Variants in CTNNA3 observed in about 807,000 individuals in gnomAD.
CTNNA3 encodes the protein catenin alpha 3, also known as catenin alpha-3.
A neutral mutation model predicts 95.7 loss-of-function variants in CTNNA3; 76 were observed. The ratio of observed to expected loss-of-function variants is 0.79; its 90% CI spans 0.66 to 0.96. CTNNA3 has a LOEUF of 0.96. Among genes scored for constraint, CTNNA3 ranks in the 40% least tolerant of loss-of-function variants. The pLI is 0.00. For synonymous variants in CTNNA3, 431 were observed against 374.4 expected (o/e 1.15, Z -1.74); for missense variants, 1,191 against 1,089.8 (o/e 1.09, Z -1.31).
intron 5 of CTNNA3, among the ~76,000 whole-genome samples, chr10:67,233,883 C>A (rs1564499528): frequency 6.6e-6 from 1 of 152,200 alleles, no homozygotes; most frequent in Non-Finnish European, 1.5e-5. Flanking sequence ...ACTACAAACA[C>A]CTCTACGCTA....
At chr10:67,717,557 C>T (rs1368689778) in intron 1 of CTNNA3, among the ~76,000 whole-genome samples, 1 of 152,054 alleles carries the variant, frequency 6.6e-6, no homozygotes. Context: ...TTTCCCAACA[C>T]CATTTATTAA....
intron 1 of CTNNA3, among the ~76,000 whole-genome samples, chr10:67,693,186 GC>G (rs1200196096): frequency 6.6e-6 from 1 of 152,198 alleles, no homozygotes; most frequent in East Asian, 1.9e-4. Flanking sequence ...CAGTATTTAA[GC>G]ATGTGAAAAA....
chr10:66,186,890 T>G (rs1180160588), intron 13 of CTNNA3, among the ~76,000 whole-genome samples: 1 of 152,176 alleles, frequency 6.6e-6, no homozygotes, highest in Non-Finnish European at 1.5e-5. Flanking sequence ...AAGGTTTCAA[T>G]TATATAGGTA....
intron 7 of CTNNA3, among the ~76,000 whole-genome samples, chr10:67,087,537 T>C (rs1189758250): frequency 6.6e-6 from 1 of 151,776 alleles, no homozygotes; most frequent in Non-Finnish European, 1.5e-5. Flanking sequence ...AAAATAAGTT[T>C]AAAATAAAAT....
intron 5 of CTNNA3, among the ~76,000 whole-genome samples, chr10:67,346,893 T>C (rs1842441089): frequency 1.3e-5 from 2 of 152,002 alleles, no homozygotes; most frequent in Admixed American, 1.3e-4. Flanking sequence ...AGACAGCAGA[T>C]GTGATACTCA....
intron 5 of CTNNA3, among the ~76,000 whole-genome samples, chr10:67,468,403 TAA>T (rs1564670938): frequency 1.3e-5 from 2 of 152,070 alleles, no homozygotes; most frequent in African/African-American, 4.8e-5. Flanking sequence ...AAAAATAATT[TAA>T]AAGTTTTTTA....
chr10:66,015,164 C>T (rs985372470), intron 15 of CTNNA3, among the ~76,000 whole-genome samples: 1 of 151,726 alleles, frequency 6.6e-6, no homozygotes, highest in Non-Finnish European at 1.5e-5. Context: ...ATAAAATTTA[C>T]TTTATTGGAG....
Position 66,986,410 on chromosome 10 carries a change from T to C in CTNNA3, c.1047+193907A>G, listed in dbSNP as rs55837756. Among the ~76,000 whole-genome samples the C allele has an allele frequency of 6.3e-3, 955 of 152,176 alleles. 8 individuals carry two copies. Among genetic ancestry groups the C allele is most frequent in the African/African-American group, 0.022 (912 of 41,532 alleles). ...TACTCTGGAGGCTGAGACAGGAGAA[T>C]CGCTTGAACCCAGTAGGCAGAGGTT... On this transcript the variant is annotated intron_variant, in intron 7 of 17. Coordinates refer to ENST00000433211, the MANE Select transcript of CTNNA3 (RefSeq NM_013266.4).
At chr10:66,133,739 C>A (rs2083230570) in intron 13 of CTNNA3, among the ~76,000 whole-genome samples, 1 of 151,904 alleles carries the variant, frequency 6.6e-6, no homozygotes, top group Non-Finnish European at 1.5e-5. Context: ...CTATATTTGG[C>A]AGGTAATAAG....
At chr10:66,294,704 C>G (rs1460589693) in intron 12 of CTNNA3, among the ~76,000 whole-genome samples, 1 of 151,962 alleles carries the variant, frequency 6.6e-6, no homozygotes, top group Non-Finnish European at 1.5e-5. Flanking sequence ...GGAGGTAATG[C>G]AAAGGAAGAA....
intron 12 of CTNNA3, among the ~76,000 whole-genome samples, chr10:66,336,807 T>C (rs1043182021): frequency 6.6e-6 from 1 of 152,108 alleles, no homozygotes; most frequent in African/African-American, 2.4e-5. Context: ...TAGCAATGCT[T>C]CTCAAAGAGT....
chr10:66,750,473 C>G (rs983420041), intron 9 of CTNNA3, among the ~76,000 whole-genome samples: 1 of 152,142 alleles, frequency 6.6e-6, no homozygotes, highest in Admixed American at 6.5e-5. Flanking sequence ...GAAAAACTAT[C>G]TTTTCTCCAT....
At chr10:66,035,262 G>A (rs1039589029) in intron 15 of CTNNA3, among the ~76,000 whole-genome samples, 5 of 152,082 alleles carry the variant, frequency 3.3e-5, no homozygotes, top group African/African-American at 9.7e-5. Context: ...GTACAGGTAG[G>A]GAATGAAATG....
chr10:67,705,439 T>C (rs1466436289), intron 1 of CTNNA3, among the ~76,000 whole-genome samples: 40 of 148,894 alleles, frequency 2.7e-4, no homozygotes, highest in African/African-American at 9.6e-4. Flanking sequence ...CATGGAATAC[T>C]ATGCAGCCAT....
intron 12 of CTNNA3, among the ~76,000 whole-genome samples, chr10:66,304,100 AT>A (rs1473632421): frequency 2.0e-5 from 3 of 152,194 alleles, no homozygotes; most frequent in African/African-American, 7.2e-5. Context: ...TTGTACCAGT[AT>A]TTCAAAGAAG....
At chr10:67,169,014 T>C (rs575712593) in intron 7 of CTNNA3, among the ~76,000 whole-genome samples, 1 of 151,906 alleles carries the variant, frequency 6.6e-6, no homozygotes, top group African/African-American at 2.4e-5. Context: ...GAGAGAAAAA[T>C]CATAAAGGCA....
intron 5 of CTNNA3, among the ~76,000 whole-genome samples, chr10:67,291,831 G>C (rs1839848424): frequency 6.6e-6 from 1 of 152,154 alleles, no homozygotes; most frequent in South Asian, 2.1e-4. Flanking sequence ...AGCCTCTAAA[G>C]GTTCATGGAA....
Position 66,927,170 on chromosome 10 carries a change from A to G in CTNNA3, c.1048-151646T>C, listed in dbSNP as rs1428451112. The G allele has an allele frequency of 6.2e-7, 1 of 1,614,246 alleles. No homozygotes were observed. The highest frequency in any genetic ancestry group is 1.7e-5 in the Admixed American group (1 of 60,036). ...AAGTATAATCAATTTAAAGGGCTCA[A>G]CCAGCTCACCTGGCTATACCTTGAC... On this transcript the variant is annotated intron_variant, in intron 7 of 17. Coordinates refer to ENST00000433211, the MANE Select transcript of CTNNA3 (RefSeq NM_013266.4). This position sits in a 1 kb window ranked among gnomAD's most constrained non-coding sequence, Gnocchi z 4.7.
At chr10:66,013,470 G>A (rs571453191) in intron 15 of CTNNA3, among the ~76,000 whole-genome samples, 1 of 152,298 alleles carries the variant, frequency 6.6e-6, no homozygotes, top group East Asian at 1.9e-4. Context: ...GACCTGCACT[G>A]TTCCACGCAG....
Sources: allele counts gnomAD v4.1 joint callset (sites outside exome capture counted in the v4.1 genomes callset), GRCh38; gene constraint gnomAD v4.1.1; non-coding constraint Gnocchi (gnomAD v3.1); transcripts MANE v1.5; gene names NCBI Gene and HGNC (gene_info 2026-07-23, HGNC 2026-07-21).